Variants in BCOR observed in about 807,000 individuals in gnomAD.
BCOR encodes the protein BCL6 corepressor.
A neutral mutation model predicts 86.7 loss-of-function variants in BCOR; 10 were observed. The observed-to-expected ratio is 0.12, with a 90% CI of 0.07 to 0.20. The LOEUF (loss-of-function observed/expected upper bound fraction) is 0.20. Ranked by LOEUF, BCOR falls within the 10% of genes least tolerant of loss-of-function variation. The pLI is 1.00. For synonymous variants in BCOR, 611 were observed against 609.0 expected (o/e 1.00, Z -0.05); for missense variants, 1,259 against 1,452.1 (o/e 0.87, Z 2.16).
In BCOR at chrX:40,063,050, G is replaced by A; in HGVS notation, c.3869C>T (p.Ser1290Phe). Residue 1290 changes from serine (S) to phenylalanine (F), a missense_variant, in exon 9 of 15, where the codon TCT (serine) becomes TTT (phenylalanine). By Grantham distance (155) the Ser-to-Phe change is radical (BLOSUM62 -2). Transcript: ENST00000378444. ...NEQGLPVFSG[S>F]PPMKSLSSTS... ...GGATGAAAGACTCTTCATGGGCGGA[G>A]AGCCGGAGAACACAGGCAAGCCTAA... is the stretch of plus-strand genomic sequence containing the variant. The A allele has an allele frequency of 8.7e-7, 1 of 1,151,678 alleles. No homozygotes were observed. The highest frequency in any genetic ancestry group is 1.2e-6 in the Non-Finnish European group (1 of 865,197). 94.9% of individuals were successfully genotyped at this position (1,151,678 alleles called of 1,213,427 possible).
In BCOR at chrX:40,122,792, G is replaced by A. The variant is rs185976274; in HGVS notation, c.-40-44823C>T. On this transcript the variant is annotated intron_variant, in intron 1 of 14. Coordinates refer to the BCOR transcript ENST00000342274. ...GTCACTGGGGCTTAGATCTCTCCCC[G>A]CCAAGGGAGAGATGTTTTCTATAAT... is the stretch of plus-strand genomic sequence containing the variant. 1.1e-4 allele frequency among the ~76,000 whole-genome samples: 12 copies of A among 111,314 alleles called. No homozygotes were observed. In the East Asian group the frequency reaches 2.6e-3, roughly 24 times the overall value.
intron 10 of BCOR, among the ~76,000 whole-genome samples, chrX:40,061,562 G>C (rs948409719): frequency 1.8e-5 from 2 of 110,617 alleles, no homozygotes; most frequent in African/African-American, 6.6e-5. Flanking sequence ...CAGGGGGGCT[G>C]GGGAGAAGCA....
chrX:40,100,921 T>G (rs1041923873), upstream of BCOR, among the ~76,000 whole-genome samples: 7 of 109,034 alleles, frequency 6.4e-5, no homozygotes, highest in African/African-American at 2.3e-4. Flanking sequence ...GCTGGTAGGA[T>G]TAAAGGGTTT....
At chrX:40,124,207 G>A (rs1028290935) in intron 1 of BCOR, among the ~76,000 whole-genome samples, 2 of 111,371 alleles carry the variant, frequency 1.8e-5, no homozygotes, top group Non-Finnish European at 3.8e-5. Context: ...GCTGAAGCAG[G>A]AGGATCGCTT....
At chrX:40,137,195 T>C (rs1013032784) in intron 1 of BCOR, among the ~76,000 whole-genome samples, 1 of 112,392 alleles carries the variant, frequency 8.9e-6, no homozygotes, top group Non-Finnish European at 1.9e-5. Context: ...AAGTCAGATA[T>C]TATAGCCGTC....
At chrX:40,098,604 C>G (rs765911745), upstream of BCOR, among the ~76,000 whole-genome samples, 2 of 111,751 alleles carry the variant, frequency 1.8e-5, no homozygotes, top group Non-Finnish European at 3.8e-5. Context: ...CCAGCGGCAG[C>G]AGCCGCTGCC....
chrX:40,158,344 G>A (rs1315699049), intron 1 of BCOR, among the ~76,000 whole-genome samples: 1 of 112,031 alleles, frequency 8.9e-6, no homozygotes, highest in Non-Finnish European at 1.9e-5. Flanking sequence ...TCTTGGCCCG[G>A]CTGCGCAGGC....
chrX:40,110,661 CTTTTT>C (rs1937287681), intron 1 of BCOR, among the ~76,000 whole-genome samples: 1 of 24,672 alleles, frequency 4.1e-5, no homozygotes, highest in Non-Finnish European at 1.0e-4. Flanking sequence ...TTCTTTTTTC[CTTTTT>C]CTTTTTTTTT....
chrX:40,161,506 CTTTTTTTTTTTTTTTTT>C (rs749528691), intron 1 of BCOR, among the ~76,000 whole-genome samples: 6 of 55,980 alleles, frequency 1.1e-4, no homozygotes, highest in African/African-American at 4.9e-4. Flanking sequence ...CGATTCTCCC[CTTTTTTTTTTTTTTTTT>C]TTTTTTGAGA....
At chrX:40,113,610 G>T (rs754581197) in intron 1 of BCOR, among the ~76,000 whole-genome samples, 5 of 110,332 alleles carry the variant, frequency 4.5e-5, no homozygotes, top group Non-Finnish European at 9.5e-5. Context: ...CAGCAAGACC[G>T]TATCGTCCAT....
Position 40,095,760 on chromosome X carries a change from C to G in BCOR, c.-41+1455G>C, listed in dbSNP as rs1190783193. ...ATTCCCCCCACCCCCACCCTCCAGA[C>G]GCCGGCGGCGCGCGCCCTGGCGCGC... On this transcript the variant is annotated intron_variant, in intron 1 of 14. Transcript: ENST00000378444. Among the ~76,000 whole-genome samples, 3 of 88,666 alleles carry G rather than the reference C, an allele frequency of 3.4e-5. No homozygotes were observed. In the East Asian group the frequency reaches 1.1e-3, roughly 33 times the overall value. The allele number at this position is 88,666 out of a possible 115,157, so 77.0% of individuals were successfully genotyped here.
Position 40,119,774 on chromosome X carries a change from T to C in BCOR, c.-40-41805A>G, listed in dbSNP as rs903918471. Among the ~76,000 whole-genome samples, 3 of 111,231 alleles carry C rather than the reference T, an allele frequency of 2.7e-5. No individual in the cohort carries two copies. The Admixed American group carries it at 2.9e-4, about 11-fold the overall frequency. On this transcript the variant is annotated intron_variant, in intron 1 of 14. Coordinates refer to the BCOR transcript ENST00000342274. ...GGGTGTGTTAAAATTCATCAAGCTG[T>C]ACTCTCAGGATTTGTACACTTTTCT...
At position 40,070,986 on chromosome X, in the gene BCOR, G is replaced by A. The variant is rs375752421; in HGVS notation, c.3225C>T (p.Asn1075=). ...VTLEEAIAEQ[N]ESERCEYSVG... ...AGGTTTACTTACATCTCTCACTTTC[G>A]TTCTGTTCTGCAATGGCCTCCTCCA... Residue 1075 remains asparagine (N), a synonymous_variant, in exon 6 of 15, where the codon AAC becomes AAT. Transcript: ENST00000378444. 5.9e-5 allele frequency: 71 copies of A among 1,209,080 alleles called. No individual in the cohort carries two copies. In the East Asian group the frequency reaches 6.2e-4, roughly 11 times the overall value.
intron 1 of BCOR, among the ~76,000 whole-genome samples, chrX:40,131,953 G>A (rs184816057): frequency 1.4e-4 from 16 of 111,923 alleles, no homozygotes; most frequent in African/African-American, 3.6e-4. Context: ...TAGAAGTCTG[G>A]GTGGGCTTGT....
intron 1 of BCOR, among the ~76,000 whole-genome samples, chrX:40,105,490 T>C (rs1937160458): frequency 9.0e-6 from 1 of 111,639 alleles, no homozygotes; most frequent in South Asian, 3.7e-4. Context: ...GGTATCCCGG[T>C]GTAAGCCGAG....
At chrX:40,172,033 G>A (rs1938634694) in intron 1 of BCOR, among the ~76,000 whole-genome samples, 1 of 112,909 alleles carries the variant, frequency 8.9e-6, no homozygotes, top group Non-Finnish European at 1.9e-5. Flanking sequence ...GGCGAGGGCA[G>A]CTGGGCGTCT....
At position 40,074,611 on chromosome X, in the gene BCOR, G is replaced by A; in HGVS notation, c.735C>T (p.Leu245=). 2 of 1,212,267 alleles carry A rather than the reference G, an allele frequency of 1.6e-6. No homozygotes were observed. The highest frequency in any genetic ancestry group is 2.2e-6 in the Non-Finnish European group (2 of 895,565). Residue 245 remains leucine (L), a synonymous_variant, in exon 4 of 15, where the codon CTC becomes CTT. Coordinates refer to ENST00000378444, the MANE Select transcript of BCOR (RefSeq NM_001123385.2). ...SPVCTNGERF[L]YLPPPHYVGP... is the part of the protein sequence containing the mutation. Reference sequence around the variant, plus strand: ...CGACGTAGTGAGGTGGCGGCAGGTAGAGAAAGCGCTCCCCATTGGTGCAGA... The same window carrying A: ...CGACGTAGTGAGGTGGCGGCAGGTAAAGAAAGCGCTCCCCATTGGTGCAGA...
chrX:40,140,294 C>CA lies in BCOR; in HGVS notation c.-41+36712dup, dbSNP rs1201322617. ...GCAACATGGTGAGACCCAGTCTCTA[C>CA]AAAAAAAAAAAAAAGAAAAATGATC... On this transcript the variant is annotated intron_variant, in intron 1 of 14. Transcript: ENST00000342274. Among the ~76,000 whole-genome samples the CA allele has an allele frequency of 7.7e-3, 411 of 53,553 alleles. 1 individual carries two copies. The highest frequency in any genetic ancestry group is 0.02 in the African/African-American group (287 of 14,208). The allele number at this position is 53,553 out of a possible 115,157, so 46.5% of individuals were successfully genotyped here.
chrX:40,120,465 C>G (rs776066517), intron 1 of BCOR, among the ~76,000 whole-genome samples: 3 of 112,117 alleles, frequency 2.7e-5, no homozygotes, highest in Non-Finnish European at 5.6e-5. Context: ...AATCCGTTTT[C>G]TTTTCTCTGC....
Sources: allele counts gnomAD v4.1 joint callset (sites outside exome capture counted in the v4.1 genomes callset), GRCh38; gene constraint gnomAD v4.1.1; transcripts MANE v1.5; gene names NCBI Gene and HGNC (gene_info 2026-07-23, HGNC 2026-07-21).